The following KCNK4 variants were observed in gnomAD, a reference collection of about 807,000 sequenced individuals.
KCNK4 encodes potassium two pore domain channel subfamily K member 4.
A neutral mutation model predicts 28.8 loss-of-function variants in KCNK4; 22 were observed. The ratio of observed to expected loss-of-function variants is 0.76; its 90% CI spans 0.55 to 1.09. The LOEUF (loss-of-function observed/expected upper bound fraction) is 1.09, where lower values mean the gene tolerates loss of function less well. Among genes scored for constraint, KCNK4 ranks in the 50% least tolerant of loss-of-function variants. The probability of loss-of-function intolerance (pLI) is 0.00; values close to 1 mark genes in which losing one functional copy is unlikely to be tolerated. For synonymous variants in KCNK4, 263 were observed against 252.9 expected, an observed-to-expected ratio of 1.04 and a Z score of -0.38; for missense variants, 483 against 546.3, an observed-to-expected ratio of 0.88 and a Z score of 1.15.
At chr11:64,292,241 CGCTGTCTCGGACTGACA>C (rs2034648805) in intron 1 of KCNK4, 1 of 303,748 alleles carries the variant, frequency 3.3e-6, no homozygotes, top group Non-Finnish European at 4.8e-6. Context: ...CGCCGCCGCC[CGCTGTCTCGGACTGACA>C]GCTGTCTCGG....
At chr11:64,297,400 G>T (rs1329915560) in intron 4 of KCNK4, 67 bp from the exon 5 acceptor site, 3 of 1,588,192 alleles carry the variant, frequency 1.9e-6, no homozygotes, top group Admixed American at 1.7e-5. Context: ...CTGGGGGCGG[G>T]AGTGGGGAGT....
In KCNK4 at chr11:64,299,748, C is replaced by G. The variant is rs989425426; in HGVS notation, c.*22C>G. ...GTAGGGGCAGGATCCCTGGCCGGGC[C>G]TCTCAAGGGCTTCGTTTCTGCTCTC... On this transcript the variant is annotated 3_prime_UTR_variant, in exon 7 of 7. Coordinates refer to ENST00000422670, the MANE Select transcript of KCNK4 (RefSeq NM_033310.3). 3.9e-6 allele frequency: 6 copies of G among 1,543,714 alleles called. No individual in the cohort carries two copies. Among genetic ancestry groups the G allele is most frequent in the Non-Finnish European group, 5.2e-6 (6 of 1,150,026 alleles).
Position 64,298,121 on chromosome 11 carries a change from A to G in KCNK4, c.673A>G (p.Arg225Gly). The change falls in exon 6 of 7, where the codon AGG becomes GGG. Residue 225 changes from arginine to glycine, a missense_variant. Transcript: ENST00000422670. ...TGGTGGTATCCCAGGCGCGGACCCC[A>G]GGCAGGACTCCCCGGCCTATCAGCC... The part of the protein sequence containing the change: ...FGDYVAGADP[R>G]QDSPAYQPLV... 6.2e-7 allele frequency: 1 copy of G among 1,613,644 alleles called. No individual in the cohort carries two copies. The highest frequency in any genetic ancestry group is 8.5e-7 in the Non-Finnish European group (1 of 1,179,956).
intron 2 of KCNK4, 61 bp downstream of exon 2, chr11:64,293,268 G>A: frequency 7.2e-6 from 10 of 1,382,324 alleles, no homozygotes; most frequent in Non-Finnish European, 9.4e-6. Context: ...CTAGCTGTGT[G>A]CCAGTGAGGC....
intron 5 of KCNK4, 86 bp from the exon 6 acceptor site, chr11:64,298,024 C>T (rs1400803872): frequency 6.6e-7 from 1 of 1,509,588 alleles, no homozygotes; most frequent in Non-Finnish European, 9.0e-7. Flanking sequence ...AGGTCCTCTC[C>T]AGGAACTGGG....
chr11:64,297,972 C>T (rs1232335796), intron 5 of KCNK4, 138 bp from the exon 6 acceptor site: 3 of 1,014,188 alleles, frequency 3.0e-6, no homozygotes, highest in Non-Finnish European at 4.3e-6. Flanking sequence ...TTCCTGCCTG[C>T]ACTCACACAC....
intron 1 of KCNK4, chr11:64,292,058 C>T: frequency 1.8e-6 from 2 of 1,131,476 alleles, no homozygotes; most frequent in Non-Finnish European, 1.1e-6. Context: ...GGTGCCCTGG[C>T]GCGGCCGGCA....
chr11:64,298,249 G>A lies in KCNK4; in HGVS notation c.801G>A (p.Glu267=), dbSNP rs1175488197. 1 of 1,612,060 alleles carries A rather than the reference G, an allele frequency of 6.2e-7. No individual in the cohort carries two copies. The highest frequency in any genetic ancestry group is 1.1e-5 in the South Asian group (1 of 91,026). The stretch of plus-strand genomic sequence containing the variant: ...TAGTGTCCCGCCGCACTCGGGCAGA[G>A]GTAGGCGCCCCAGGGTTGGCACTGT... ...LRVVSRRTRA[E]MGGLTAQAAS... is the part of the protein sequence containing the mutation. The change falls in exon 6 of 7, where the codon GAG becomes GAA. Residue 267 remains glutamate (E), a splice_region_variant and synonymous_variant. Coordinates refer to ENST00000422670, the MANE Select transcript of KCNK4 (RefSeq NM_033310.3).
At chr11:64,298,037 G>T in intron 5 of KCNK4, 73 bp from the exon 6 acceptor site, 1 of 1,545,568 alleles carries the variant, frequency 6.5e-7, no homozygotes, top group African/African-American at 1.4e-5. Flanking sequence ...GAACTGGGAG[G>T]GGGGCACTGA....
At chr11:64,294,962 G>T (rs192276352) in intron 2 of KCNK4, among the ~76,000 whole-genome samples, 514 of 152,258 alleles carry the variant, frequency 3.4e-3, no homozygotes, top group African/African-American at 0.011. Flanking sequence ...CTTTTTTCCT[G>T]GATAAGAAAA....
chr11:64,298,171 C>T lies in KCNK4; in HGVS notation c.723C>T (p.Leu241=), dbSNP rs143683020. Residue 241 remains leucine (L), a synonymous_variant, in exon 6 of 7, where the codon CTC becomes CTT. Coordinates refer to ENST00000422670, the MANE Select transcript of KCNK4 (RefSeq NM_033310.3). ...YQPLVWFWIL[L]GLAYFASVLT... is the part of the protein sequence containing the mutation. ...CGCTGGTGTGGTTCTGGATCCTGCT[C>T]GGCCTGGCTTACTTCGCCTCAGTGC... is the stretch of plus-strand genomic sequence containing the variant. The T allele has an allele frequency of 3.7e-5, 60 of 1,613,750 alleles. No individual in the cohort carries two copies. In the African/African-American group the frequency reaches 4.9e-4, roughly 13 times the overall value.
In KCNK4 at chr11:64,293,102, G is replaced by A; in HGVS notation, c.84G>A (p.Glu28=). Residue 28 remains glutamate (E), a synonymous_variant, in exon 2 of 7, where the codon GAG becomes GAA. Coordinates refer to ENST00000422670, the MANE Select transcript of KCNK4 (RefSeq NM_033310.3). ...VSGALVFRAL[E]QPHEQQAQRE... ...GTGCCCTGGTGTTCCGGGCCCTGGA[G>A]CAGCCCCACGAGCAGCAGGCCCAGA... The A allele has an allele frequency of 1.3e-6, 2 of 1,548,180 alleles. No homozygotes were observed. The highest frequency in any genetic ancestry group is 1.7e-6 in the Non-Finnish European group (2 of 1,145,640).
chr11:64,294,628 T>C (rs1409284064), intron 2 of KCNK4, among the ~76,000 whole-genome samples: 2 of 151,820 alleles, frequency 1.3e-5, no homozygotes, highest in African/African-American at 4.8e-5. Context: ...ACAAAAAAAT[T>C]AAGATTTAGC....
chr11:64,295,163 A>C (rs571049379), intron 2 of KCNK4, among the ~76,000 whole-genome samples: 1 of 152,314 alleles, frequency 6.6e-6, no homozygotes, highest in Admixed American at 6.5e-5. Flanking sequence ...AGGGTGTCAC[A>C]TCTAGGCAAG....
rs533333432 is a variant in KCNK4 at position 64,297,001 on chromosome 11, G to A, written c.313G>A (p.Gly105Ser). Residue 105 changes from glycine to serine, a missense_variant and splice_region_variant, in exon 3 of 7, where the codon GGC becomes AGC. Transcript: ENST00000422670. ...CTCAGGGACCATCATCACCACCATC[G>A]GTGGGGGAGGGGATTGGCATGTGGG... ...FFSGTIITTI[G>S]YGNVALRTDA... The A allele has an allele frequency of 3.9e-6, 6 of 1,544,460 alleles. No individual in the cohort carries two copies. Among genetic ancestry groups the A allele is most frequent in the East Asian group, 4.5e-5 (2 of 44,024 alleles).
rs2034780114 is a variant in KCNK4 at position 64,296,931 on chromosome 11, C to A, written c.243C>A (p.Ser81Arg). ...GGADPETNSTSNSSHSAWDLG... is the reference protein window; with the variant it reads ...GGADPETNSTRNSSHSAWDLG... ...CGGACCCAGAAACCAACTCGACCAG[C>A]AACAGCAGCCACTCAGCCTGGGACC... is the stretch of plus-strand genomic sequence containing the variant. The change falls in exon 3 of 7, where the codon AGC becomes AGA. Residue 81 changes from serine to arginine, a missense_variant. Transcript: ENST00000422670. The A allele has an allele frequency of 6.6e-7, 1 of 1,511,570 alleles. No homozygotes were observed. The highest frequency in any genetic ancestry group is 1.4e-5 in the African/African-American group (1 of 71,642). 93.6% of individuals were successfully genotyped at this position (1,511,570 alleles called of 1,614,324 possible).
rs2034663262 is a variant in KCNK4 at position 64,292,716 on chromosome 11, CCT to C, written c.-77-221_-77-220del. 1.3e-5 allele frequency: 4 copies of C among 315,130 alleles called. No homozygotes were observed. In the South Asian group the frequency reaches 3.6e-4, roughly 28 times the overall value. The allele number at this position is 315,130 out of a possible 1,614,324, so 19.5% of individuals were successfully genotyped here. On this transcript the variant is annotated intron_variant, in intron 1 of 6. Transcript: ENST00000422670. ...CCTTCCTTTCCCTTCTCGGTGCCCT[CCT>C]CTCTTTCCTCACCCGGTAGTCCCAG...
chr11:64,292,893 G>T, intron 1 of KCNK4, 49 bp from the exon 2 acceptor site: 1 of 1,428,118 alleles, frequency 7.0e-7, no homozygotes, highest in Non-Finnish European at 9.1e-7. Flanking sequence ...AGGAGGGTGT[G>T]GGTGTCAGGC....
intron 1 of KCNK4, among the ~76,000 whole-genome samples, chr11:64,292,305 C>G (rs1312547121): frequency 3.9e-5 from 6 of 152,174 alleles, no homozygotes; most frequent in African/African-American, 1.4e-4. Context: ...CGGACCCCCG[C>G]CCCGCTTTTT....
Sources: allele counts gnomAD v4.1 joint callset (sites outside exome capture counted in the v4.1 genomes callset), GRCh38; gene constraint gnomAD v4.1.1; transcripts MANE v1.5; gene names NCBI Gene and HGNC (gene_info 2026-07-23, HGNC 2026-07-21).